The following DCP1A variants were observed in gnomAD, a reference collection of about 807,000 sequenced individuals.
DCP1A encodes mRNA-decapping enzyme 1A.
DCP1A carries 20 observed loss-of-function variants against 58.0 expected under a neutral mutation model. The observed-to-expected ratio is 0.34, with a 90% confidence interval of 0.24 to 0.50. The LOEUF (loss-of-function observed/expected upper bound fraction) is 0.50, where lower values mean the gene tolerates loss of function less well. Ranked by LOEUF, DCP1A falls within the 20% of genes least tolerant of loss-of-function variation. The probability of loss-of-function intolerance (pLI) is 0.98; values close to 1 mark genes in which losing one functional copy is unlikely to be tolerated. For missense variants in DCP1A, 613 were observed against 712.2 expected, an observed-to-expected ratio of 0.86 and a Z score of 1.59; for synonymous variants, 285 against 275.1, an observed-to-expected ratio of 1.04 and a Z score of -0.36.
At chr3:53,331,006 G>A (rs536475706) in intron 3 of DCP1A, among the ~76,000 whole-genome samples, 12 of 151,894 alleles carry the variant, frequency 7.9e-5, no homozygotes, top group South Asian at 4.2e-4. Flanking sequence ...CTGCAGGTGC[G>A]TGCCGCCATG....
chr3:53,334,195 T>A (rs782774282), intron 3 of DCP1A, among the ~76,000 whole-genome samples: 3 of 152,032 alleles, frequency 2.0e-5, no homozygotes, highest in Non-Finnish European at 2.9e-5. Flanking sequence ...GCCTCAGAGG[T>A]TGAGGCTGCA....
chr3:53,286,494 CT>C lies in DCP1A; in HGVS notation c.*1085del, dbSNP rs1706639213. The C allele has an allele frequency of 6.6e-6, 1 of 152,154 alleles. No homozygotes were observed. Among genetic ancestry groups the C allele is most frequent in the Admixed American group, 6.5e-5 (1 of 15,280 alleles). The allele number at this position is 152,154 out of a possible 1,614,324, so 9.4% of individuals were successfully genotyped here. ...GCAGATCAATAGCAGCATAACAAAG[CT>C]TCTTTACATATTTTCACACTTTGGG... On this transcript the variant is annotated 3_prime_UTR_variant, in exon 10 of 10. Coordinates refer to ENST00000610213, the MANE Select transcript of DCP1A (RefSeq NM_018403.7).
chr3:53,312,493 T>C, intron 4 of DCP1A, 114 bp from the exon 5 acceptor site: 1 of 983,180 alleles, frequency 1.0e-6, no homozygotes. Context: ...GATGACATTC[T>C]TCTTTTTTTT....
intron 4 of DCP1A, among the ~76,000 whole-genome samples, chr3:53,314,198 G>C (rs1553688955): frequency 6.6e-6 from 1 of 152,066 alleles, no homozygotes; most frequent in African/African-American, 2.4e-5. Flanking sequence ...CTGGCCAGTT[G>C]ATTTTTAAGC....
intron 3 of DCP1A, among the ~76,000 whole-genome samples, chr3:53,327,764 C>A (rs1285774338): frequency 5.3e-5 from 8 of 150,806 alleles, no homozygotes; most frequent in African/African-American, 1.7e-4. Flanking sequence ...GCACTCCAGT[C>A]TGGGCAACAG....
At chr3:53,326,983 C>CA (rs1455401507) in intron 3 of DCP1A, among the ~76,000 whole-genome samples, 2 of 150,404 alleles carry the variant, frequency 1.3e-5, no homozygotes, top group South Asian at 2.1e-4. Flanking sequence ...CCAACCCCCC[C>CA]CCCCCAACTG....
chr3:53,291,948 T>C, intron 7 of DCP1A, 121 bp downstream of exon 7: 1 of 1,100,534 alleles, frequency 9.1e-7, no homozygotes, highest in South Asian at 1.7e-5. Context: ...GCCTCTGACA[T>C]ACTTTAAAGG....
At chr3:53,314,667 CTTT>C (rs1167830951) in intron 4 of DCP1A, among the ~76,000 whole-genome samples, 2 of 86,720 alleles carry the variant, frequency 2.3e-5, no homozygotes, top group South Asian at 4.3e-4. Context: ...TTTTCTTTTT[CTTT>C]TTTTTTTTTT....
chr3:53,285,281 T>G lies in DCP1A; in HGVS notation c.*2299A>C, dbSNP rs545667230. On this transcript the variant is annotated 3_prime_UTR_variant, in exon 10 of 10. Coordinates refer to ENST00000610213, the MANE Select transcript of DCP1A (RefSeq NM_018403.7). ...TGTAAACATGCAACCTAAGCTAGCA[T>G]GAGGTTCTAGATAGTAAGCCTGAAC... 6.6e-6 allele frequency: 1 copy of G among 152,224 alleles called. No individual in the cohort carries two copies. The highest frequency in any genetic ancestry group is 1.5e-5 in the Non-Finnish European group (1 of 68,008). The allele number at this position is 152,224 out of a possible 1,614,324, so 9.4% of individuals were successfully genotyped here.
At chr3:53,319,924 G>A (rs1434397076) in intron 3 of DCP1A, among the ~76,000 whole-genome samples, 2 of 152,086 alleles carry the variant, frequency 1.3e-5, no homozygotes, top group East Asian at 1.9e-4. Flanking sequence ...GAGGTCAGGA[G>A]TTTAAGACCA....
At chr3:53,323,417 A>G (rs1242285127) in intron 3 of DCP1A, among the ~76,000 whole-genome samples, 1 of 152,202 alleles carries the variant, frequency 6.6e-6, no homozygotes, top group Non-Finnish European at 1.5e-5. Context: ...GACTCCATAT[A>G]TGGCAATTAC....
intron 6 of DCP1A, among the ~76,000 whole-genome samples, chr3:53,300,328 G>A (rs773013091): frequency 1.1e-4 from 16 of 145,454 alleles, no homozygotes; most frequent in East Asian, 4.0e-4. Context: ...TCAATGGACA[G>A]TGCTTTATGA....
chr3:53,326,310 T>C (rs189365808), intron 3 of DCP1A, among the ~76,000 whole-genome samples: 1 of 152,286 alleles, frequency 6.6e-6, no homozygotes, highest in Non-Finnish European at 1.5e-5. Context: ...TTGCAAAAGT[T>C]TTATTCTTAA....
chr3:53,301,890 C>A (rs781963352), intron 6 of DCP1A, among the ~76,000 whole-genome samples: 1 of 152,090 alleles, frequency 6.6e-6, no homozygotes, highest in African/African-American at 2.4e-5. Flanking sequence ...ATATAATATT[C>A]TTGAAATGAC....
intron 3 of DCP1A, among the ~76,000 whole-genome samples, chr3:53,338,446 T>C (rs1553692201): frequency 6.6e-6 from 1 of 150,630 alleles, no homozygotes; most frequent in Non-Finnish European, 1.5e-5. Flanking sequence ...CCACCACCAC[T>C]ACCCCACAAA....
chr3:53,317,350 A>T lies in DCP1A; in HGVS notation c.371+2057T>A, dbSNP rs556333906. 1.3e-3 allele frequency among the ~76,000 whole-genome samples: 191 copies of T among 152,274 alleles called. 3 individuals are homozygous for T. The highest frequency in any genetic ancestry group is 4.0e-3 in the African/African-American group (166 of 41,554). ...CTGGCTAATTTTGTGTTTTTAGTACAGACAGGGTTTCTCCATGTTGGTCAG... is the reference window on the plus strand; with the variant it reads ...CTGGCTAATTTTGTGTTTTTAGTACTGACAGGGTTTCTCCATGTTGGTCAG... On this transcript the variant is annotated intron_variant, in intron 4 of 9. Coordinates refer to ENST00000610213, the MANE Select transcript of DCP1A (RefSeq NM_018403.7).
At position 53,292,368 on chromosome 3, in the gene DCP1A, C is replaced by T; in HGVS notation, c.1084G>A (p.Glu362Lys). Reference protein sequence around the residue: ...RSPLLNQPVPELSHASLIANQ... With the variant: ...RSPLLNQPVPKLSHASLIANQ... Reference sequence around the variant, plus strand: ...GCAATCAGACTGGCATGGCTTAGCTCAGGGACTGGCTGGTTCAGGAGTGGA... The same window carrying T: ...GCAATCAGACTGGCATGGCTTAGCTTAGGGACTGGCTGGTTCAGGAGTGGA... The change falls in exon 7 of 10, where the codon GAG becomes AAG. Residue 362 changes from glutamate (E) to lysine (K), a missense_variant. Glu to Lys is a moderately conservative substitution (Grantham distance 56). This residue lies in a region of DCP1A where 498 missense variants were observed against 556.7 expected (regional missense o/e 0.89). Transcript: ENST00000610213. 6.2e-7 allele frequency: 1 copy of T among 1,613,128 alleles called. No homozygotes were observed. Among genetic ancestry groups the T allele is most frequent in the South Asian group, 1.1e-5 (1 of 91,002 alleles).
chr3:53,323,062 G>A (rs1708015913), intron 3 of DCP1A, among the ~76,000 whole-genome samples: 1 of 152,052 alleles, frequency 6.6e-6, no homozygotes, highest in Non-Finnish European at 1.5e-5. Context: ...CTGACCTCGT[G>A]ATCCGCCCAC....
chr3:53,297,334 AG>A (rs1707161438), intron 6 of DCP1A, among the ~76,000 whole-genome samples: 1 of 152,088 alleles, frequency 6.6e-6, no homozygotes, highest in South Asian at 2.1e-4. Context: ...AGCAAAAAAA[AG>A]TATTGGAAAA....
Sources: allele counts gnomAD v4.1 joint callset (sites outside exome capture counted in the v4.1 genomes callset), GRCh38; gene constraint gnomAD v4.1.1; regional missense constraint gnomAD v4.1.1; transcripts MANE v1.5; gene names NCBI Gene and HGNC (gene_info 2026-07-23, HGNC 2026-07-21).